Variants in TAF5L observed in about 807,000 individuals in gnomAD.
TAF5L encodes the protein TAF5-like RNA polymerase II p300/CBP-associated factor-associated factor 65 kDa subunit 5L.
In TAF5L, 7 loss-of-function variants were observed where a neutral mutation model predicts 51.3. The observed-to-expected ratio is 0.14, with a 90% CI of 0.08 to 0.26. The LOEUF is 0.26. Among genes scored for constraint, TAF5L ranks in the 10% least tolerant of loss-of-function variants. The probability of loss-of-function intolerance (pLI) is 1.00; values close to 1 mark genes in which losing one functional copy is unlikely to be tolerated. For missense variants in TAF5L, 575 were observed against 758.9 expected, an observed-to-expected ratio of 0.76 and a Z score of 2.85; for synonymous variants, 291 against 308.1, an observed-to-expected ratio of 0.94 and a Z score of 0.58.
chr1:229,601,436 T>C, intron 4 of TAF5L: 2 of 985,470 alleles, frequency 2.0e-6, no homozygotes, highest in Non-Finnish European at 2.4e-6. Flanking sequence ...AAGTTAATGC[T>C]GTGAAGTTTA....
chr1:229,610,911 T>C (rs545759128), intron 2 of TAF5L, among the ~76,000 whole-genome samples: 1 of 152,238 alleles, frequency 6.6e-6, no homozygotes, highest in Non-Finnish European at 1.5e-5. Context: ...GCTTTTTGAA[T>C]CTTAAGTATT....
At chr1:229,617,474 C>CT (rs1665049292) in intron 1 of TAF5L, among the ~76,000 whole-genome samples, 1 of 152,228 alleles carries the variant, frequency 6.6e-6, no homozygotes, top group African/African-American at 2.4e-5. Flanking sequence ...AGACTGAAAT[C>CT]TTTCCGGCTT....
At chr1:229,596,808 C>T (rs1430265956) in intron 4 of TAF5L, among the ~76,000 whole-genome samples, 1 of 152,166 alleles carries the variant, frequency 6.6e-6, no homozygotes, top group African/African-American at 2.4e-5. Context: ...ATGAAGATCC[C>T]CAAACCAGTC....
In TAF5L at chr1:229,595,355, T is replaced by C. The variant is rs930952085; in HGVS notation, c.973-261A>G. ...GCTCAGACTATATCAGATTAAAAGA[T>C]ACAGAAATGCAAGGCCATTACAGAG... On this transcript the variant is annotated intron_variant, in intron 4 of 4. Coordinates refer to ENST00000258281, the Ensembl canonical transcript of TAF5L. Among the ~76,000 whole-genome samples, 5 of 152,212 alleles carry C rather than the reference T, an allele frequency of 3.3e-5. 1 individual carries two copies. Among genetic ancestry groups the C allele is most frequent in the African/African-American group, 9.7e-5 (4 of 41,444 alleles).
rs1401234922 is a variant in TAF5L at position 229,610,224 on chromosome 1, G to A, written c.143-14C>T. 1.2e-6 allele frequency: 2 copies of A among 1,612,316 alleles called. No individual in the cohort carries two copies. The highest frequency in any genetic ancestry group is 1.7e-5 in the Admixed American group (1 of 59,964). The stretch of plus-strand genomic sequence containing the variant: ...ATTCTGATTGCACTAAAGAGGAGAA[G>A]ATACACAAGTCAGGGCGGGAAACAG... On this transcript the variant is annotated splice_polypyrimidine_tract_variant and intron_variant, in intron 2 of 4. Coordinates refer to ENST00000258281, the Ensembl canonical transcript of TAF5L.
chr1:229,610,984 G>C (rs1038253567), intron 2 of TAF5L, among the ~76,000 whole-genome samples: 3 of 152,072 alleles, frequency 2.0e-5, no homozygotes, highest in Non-Finnish European at 4.4e-5. Flanking sequence ...TATGAGATAT[G>C]TTTCTTCTAG....
chr1:229,613,257 G>C (rs1402320765), intron 2 of TAF5L, among the ~76,000 whole-genome samples: 1 of 149,414 alleles, frequency 6.7e-6, no homozygotes, highest in Non-Finnish European at 1.5e-5. Flanking sequence ...TTGAGCCTGG[G>C]AAGTTGAGGC....
intron 1 of TAF5L, among the ~76,000 whole-genome samples, chr1:229,618,934 C>T (rs1665104881): frequency 6.6e-6 from 1 of 152,168 alleles, no homozygotes; most frequent in Admixed American, 6.5e-5. Flanking sequence ...GGGGTGAGTT[C>T]AAGATAAATT....
chr1:229,617,089 T>A (rs1486260184), intron 1 of TAF5L, among the ~76,000 whole-genome samples: 1 of 152,182 alleles, frequency 6.6e-6, no homozygotes, highest in Non-Finnish European at 1.5e-5. Context: ...ATTAAGCTGT[T>A]TTTTTAAATT....
In TAF5L at chr1:229,601,115, C is replaced by T. The variant is rs536272548; in HGVS notation, c.972+1080G>A. On this transcript the variant is annotated intron_variant, in intron 4 of 4. Coordinates refer to ENST00000258281, the Ensembl canonical transcript of TAF5L. ...TCTACATGGGAATCTAGACTCTTCACTCATCACAAGGAAATCCTTCAATTA... is the reference window on the plus strand; with the variant it reads ...TCTACATGGGAATCTAGACTCTTCATTCATCACAAGGAAATCCTTCAATTA... 2.3e-5 allele frequency: 23 copies of T among 985,174 alleles called. No individual in the cohort carries two copies. In the Admixed American group the frequency reaches 1.3e-3, roughly 55 times the overall value. 61.0% of individuals were successfully genotyped at this position (985,174 alleles called of 1,614,324 possible). A position where few individuals can be genotyped will look rare whatever the true frequency, so the allele number is the denominator to read the frequency against.
chr1:229,625,762 C>T lies in TAF5L; in HGVS notation c.-4+123G>A, dbSNP rs2102772663. On this transcript the variant is annotated intron_variant, in intron 1 of 4. Transcript: ENST00000258281. This position sits in a 1 kb window ranked among gnomAD's most constrained non-coding sequence, Gnocchi z 4.0. Reference sequence around the variant, plus strand: ...CCCGCCTCCCGCGCCCCACCCCCACCGCCCGCCGGCGGGAGCCAAGGCGCG... The same window carrying T: ...CCCGCCTCCCGCGCCCCACCCCCACTGCCCGCCGGCGGGAGCCAAGGCGCG... The T allele has an allele frequency of 7.1e-6, 1 of 141,594 alleles. No homozygotes were observed. The highest frequency in any genetic ancestry group is 1.6e-5 in the Non-Finnish European group (1 of 63,810). 8.8% of individuals were successfully genotyped at this position (141,594 alleles called of 1,614,324 possible). A position where few individuals can be genotyped will look rare whatever the true frequency, so the allele number is the denominator to read the frequency against.
intron 1 of TAF5L, among the ~76,000 whole-genome samples, chr1:229,619,544 T>C (rs1237019712): frequency 1.3e-5 from 2 of 152,158 alleles, no homozygotes; most frequent in African/African-American, 2.4e-5. Context: ...GTAGATTTTC[T>C]CCAACATCAG....
chr1:229,612,689 C>T (rs1664831116), intron 2 of TAF5L, among the ~76,000 whole-genome samples: 1 of 152,216 alleles, frequency 6.6e-6, no homozygotes, highest in African/African-American at 2.4e-5. Context: ...CAGGTTGTTA[C>T]TGTCCTAGCA....
intron 4 of TAF5L, chr1:229,600,082 AAT>A (rs1664313917): frequency 3.1e-6 from 3 of 978,820 alleles, no homozygotes; most frequent in South Asian, 9.5e-5. Context: ...ATTTCAAAAT[AAT>A]AGTCTGTTTT....
At chr1:229,624,410 G>T (rs1301448916) in intron 1 of TAF5L, among the ~76,000 whole-genome samples, 2 of 152,070 alleles carry the variant, frequency 1.3e-5, no homozygotes, top group East Asian at 3.8e-4. Context: ...TCCATTTAAC[G>T]CAAAAACTTA....
chr1:229,599,279 T>TG lies in TAF5L; in HGVS notation c.972+2915_972+2916insC, dbSNP rs1664270604. On this transcript the variant is annotated intron_variant, in intron 4 of 4. Coordinates refer to ENST00000258281, the Ensembl canonical transcript of TAF5L. ...GATTTTGGTTACTGTTATCCTGTTT[T>TG]TTTTTTTAAACTGAGATATAATTAC... The TG allele has an allele frequency of 1.1e-5, 9 of 839,894 alleles. No individual in the cohort carries two copies. In the Middle Eastern group the frequency reaches 2.4e-3, roughly 224 times the overall value. 52.0% of individuals were successfully genotyped at this position (839,894 alleles called of 1,614,324 possible). A position where few individuals can be genotyped will look rare whatever the true frequency, so the allele number is the denominator to read the frequency against.
intron 3 of TAF5L, among the ~76,000 whole-genome samples, chr1:229,608,166 C>A (rs61825506): frequency 0.061 from 9,206 of 152,100 alleles, 401 homozygotes; most frequent in Non-Finnish European, 0.089. Context: ...TACCTGGCCC[C>A]CATAATGGTA....
chr1:229,622,954 A>C (rs1665269446), intron 1 of TAF5L, among the ~76,000 whole-genome samples: 1 of 152,156 alleles, frequency 6.6e-6, no homozygotes, highest in Non-Finnish European at 1.5e-5. Flanking sequence ...CCAAGGAGCT[A>C]ATCTGATGTT....
At chr1:229,618,645 G>T (rs905102735) in intron 1 of TAF5L, among the ~76,000 whole-genome samples, 7 of 152,134 alleles carry the variant, frequency 4.6e-5, no homozygotes, top group African/African-American at 1.7e-4. Flanking sequence ...CAGAAACATG[G>T]GGAGGTGGAG....
Sources: allele counts gnomAD v4.1 joint callset (sites outside exome capture counted in the v4.1 genomes callset), GRCh38; gene constraint gnomAD v4.1.1; non-coding constraint Gnocchi (gnomAD v3.1); transcripts MANE v1.5; gene names NCBI Gene and HGNC (gene_info 2026-07-23, HGNC 2026-07-21).